The following SORCS1 variants were observed in gnomAD, a reference collection of about 807,000 sequenced individuals.
SORCS1 encodes the protein sortilin related VPS10 domain containing receptor 1.
A neutral mutation model predicts 146.1 loss-of-function variants in SORCS1; 60 were observed. That is an observed-to-expected ratio of 0.41 (90% CI 0.33 to 0.51). The LOEUF (loss-of-function observed/expected upper bound fraction) is 0.51. SORCS1 is among the 20% of genes least tolerant of loss of function. The pLI is 0.21. For missense variants in SORCS1, 1,352 were observed against 1,487.6 expected (o/e 0.91, Z 1.50); for synonymous variants, 637 against 584.0 (o/e 1.09, Z -1.31).
chr10:107,137,991 C>A (rs1967474717), intron 1 of SORCS1, among the ~76,000 whole-genome samples: 1 of 152,080 alleles, frequency 6.6e-6, no homozygotes, highest in Admixed American at 6.6e-5. Context: ...CTATTACGTT[C>A]CTGAAATATA....
At chr10:106,967,930 T>C (rs1448799669) in intron 1 of SORCS1, among the ~76,000 whole-genome samples, 1 of 145,636 alleles carries the variant, frequency 6.9e-6, no homozygotes, top group South Asian at 2.2e-4. Context: ...AAATGCCGGG[T>C]GTGGTGGCTC....
At position 106,954,103 on chromosome 10, in the gene SORCS1, C is replaced by G. The variant is rs112277899; in HGVS notation, c.626+2410G>C. On this transcript the variant is annotated intron_variant, in intron 2 of 25. Transcript: ENST00000263054. ...TCATGGAGAGAAAAGCATACTGAACCTGAGCTTCCACAGTCTAGGGCAACC... is the reference window on the plus strand; with the variant it reads ...TCATGGAGAGAAAAGCATACTGAACGTGAGCTTCCACAGTCTAGGGCAACC... Among the ~76,000 whole-genome samples, 929 of 152,326 alleles carry G rather than the reference C, an allele frequency of 6.1e-3. 13 individuals are homozygous for G. The highest frequency in any genetic ancestry group is 0.02 in the African/African-American group (849 of 41,582).
chr10:106,930,108 G>A (rs1246938459), intron 2 of SORCS1, among the ~76,000 whole-genome samples: 1 of 151,856 alleles, frequency 6.6e-6, no homozygotes, highest in African/African-American at 2.4e-5. Flanking sequence ...AATACCAACC[G>A]TCTCTACTAA....
rs766818370 is a variant in SORCS1 at position 106,970,336 on chromosome 10, C to CTTTTTTTTTTTTTTTTTTTTTT, written c.559-13757_559-13756insAAAAAAAAAAAAAAAAAAAAAA. On this transcript the variant is annotated intron_variant, in intron 1 of 25. Transcript: ENST00000263054. ...TTCCCTCCAAATGTAACCAACATCTCTTTTTTTTTTTTTTTTTTTGAGATG... is the reference window on the plus strand; with the variant it reads ...TTCCCTCCAAATGTAACCAACATCTCTTTTTTTTTTTTTTTTTTTTTTTTTTTTTTTTTTTTTTTTTGAGATG... Among the ~76,000 whole-genome samples the CTTTTTTTTTTTTTTTTTTTTTT allele has an allele frequency of 2.0e-3, 180 of 89,428 alleles. 24 individuals are homozygous for CTTTTTTTTTTTTTTTTTTTTTT. The highest frequency in any genetic ancestry group is 8.9e-3 in the African/African-American group (164 of 18,458). 58.7% of individuals were successfully genotyped at this position (89,428 alleles called of 152,430 possible). A position where few individuals can be genotyped will look rare whatever the true frequency, so the allele number is the denominator to read the frequency against.
At chr10:106,873,151 G>A (rs1950474975) in intron 2 of SORCS1, among the ~76,000 whole-genome samples, 1 of 151,962 alleles carries the variant, frequency 6.6e-6, no homozygotes, top group Non-Finnish European at 1.5e-5. Flanking sequence ...TCCAGCCTGG[G>A]CAACAGAGTG....
At chr10:106,856,044 T>C (rs74530327) in intron 2 of SORCS1, among the ~76,000 whole-genome samples, 25 of 140,138 alleles carry the variant, frequency 1.8e-4, no homozygotes, top group Admixed American at 8.5e-4. Context: ...TTTTTTTTTT[T>C]GAGACAGAGT....
intron 1 of SORCS1, among the ~76,000 whole-genome samples, chr10:107,082,306 G>A (rs1438868950): frequency 1.3e-5 from 2 of 152,016 alleles, no homozygotes; most frequent in African/African-American, 4.8e-5. Context: ...GGAGATTTTT[G>A]TTTGGTTGGG....
At chr10:107,030,731 C>T (rs571948110) in intron 1 of SORCS1, among the ~76,000 whole-genome samples, 1 of 152,210 alleles carries the variant, frequency 6.6e-6, no homozygotes, top group African/African-American at 2.4e-5. Flanking sequence ...CTCATTTTTA[C>T]ATTATGCCGA....
chr10:106,930,261 G>A (rs139840014), intron 2 of SORCS1, among the ~76,000 whole-genome samples: 5,268 of 151,366 alleles, frequency 0.035, 218 homozygotes, highest in South Asian at 0.11. Context: ...CAGCCTGGGC[G>A]ACAGAGCGAG....
intron 1 of SORCS1, among the ~76,000 whole-genome samples, chr10:106,984,528 G>A (rs1435918888): frequency 6.6e-6 from 1 of 151,520 alleles, no homozygotes; most frequent in East Asian, 2.0e-4. Context: ...TGAGTAGCTG[G>A]GACTACAGGT....
At chr10:106,883,706 C>T (rs1259071638) in intron 2 of SORCS1, among the ~76,000 whole-genome samples, 2 of 152,222 alleles carry the variant, frequency 1.3e-5, no homozygotes, top group Non-Finnish European at 2.9e-5. Context: ...AGCCACCACG[C>T]CCGGCCTTCA....
intron 1 of SORCS1, among the ~76,000 whole-genome samples, chr10:107,010,751 A>T (rs1262093476): frequency 1.3e-5 from 2 of 152,178 alleles, no homozygotes; most frequent in African/African-American, 4.8e-5. Flanking sequence ...CTTTTGTAAG[A>T]CCGAGTTCAT....
intron 1 of SORCS1, among the ~76,000 whole-genome samples, chr10:107,155,754 G>A (rs1329235110): frequency 6.6e-6 from 1 of 152,128 alleles, no homozygotes. Context: ...ATGATTTTGT[G>A]TCTCAACAGC....
intron 1 of SORCS1, among the ~76,000 whole-genome samples, chr10:107,081,478 T>C (rs1162160301): frequency 2.0e-5 from 3 of 152,234 alleles, no homozygotes; most frequent in Non-Finnish European, 1.5e-5. Flanking sequence ...TCTCAACTAC[T>C]CCTCAAATCT....
chr10:107,039,101 G>T lies in SORCS1; in HGVS notation c.559-82521C>A, dbSNP rs369331818. On this transcript the variant is annotated intron_variant, in intron 1 of 25. Coordinates refer to ENST00000263054, the MANE Select transcript of SORCS1 (RefSeq NM_052918.5). The stretch of plus-strand genomic sequence containing the variant: ...TCCCAGCACTTTGGGAGGCTGAGGC[G>T]GGTGGATCACAAGGTCAGGAGATCG... 3.8e-4 allele frequency among the ~76,000 whole-genome samples: 58 copies of T among 151,836 alleles called. 1 individual carries two copies. Among genetic ancestry groups the T allele is most frequent in the Non-Finnish European group, 4.4e-4 (30 of 67,912 alleles).
In SORCS1 at chr10:106,891,504, C is replaced by CTTTCTTTTTTTTT. The variant is rs1951231436; in HGVS notation, c.627-61832_627-61831insAAAAAAAAAGAAA. Reference sequence around the variant, plus strand: ...GTAATCAGAAGTTTCAATGGGAATTCTTTTTTTTTTTTTGAGAAAAGACCT... The same window carrying CTTTCTTTTTTTTT: ...GTAATCAGAAGTTTCAATGGGAATTCTTTCTTTTTTTTTTTTTTTTTTTTTTGAGAAAAGACCT... On this transcript the variant is annotated intron_variant, in intron 2 of 25. Transcript: ENST00000263054. Among the ~76,000 whole-genome samples, 2 of 97,274 alleles carry CTTTCTTTTTTTTT rather than the reference C, an allele frequency of 2.1e-5. 1 individual carries two copies. The highest frequency in any genetic ancestry group is 6.6e-4 in the South Asian group (2 of 3,026). 63.8% of individuals were successfully genotyped at this position (97,274 alleles called of 152,430 possible). A position where few individuals can be genotyped will look rare whatever the true frequency, so the allele number is the denominator to read the frequency against.
chr10:106,722,060 T>C (rs1855817317), intron 6 of SORCS1, among the ~76,000 whole-genome samples: 2 of 151,738 alleles, frequency 1.3e-5, no homozygotes, highest in Admixed American at 1.3e-4. Flanking sequence ...TGTCTATACA[T>C]ATACATACTC....
intron 1 of SORCS1, among the ~76,000 whole-genome samples, chr10:107,105,465 A>G (rs1170186255): frequency 2.6e-5 from 4 of 152,234 alleles, no homozygotes; most frequent in Non-Finnish European, 5.9e-5. Context: ...AGCTAGTCCC[A>G]GTCCCAAAAC....
intron 3 of SORCS1, among the ~76,000 whole-genome samples, chr10:106,799,160 G>C (rs1474973663): frequency 2.0e-5 from 3 of 152,138 alleles, no homozygotes; most frequent in Admixed American, 6.5e-5. Flanking sequence ...ATGGTGCTGG[G>C]AAAACTGGCT....
Sources: allele counts gnomAD v4.1 joint callset (sites outside exome capture counted in the v4.1 genomes callset), GRCh38; gene constraint gnomAD v4.1.1; transcripts MANE v1.5; gene names NCBI Gene and HGNC (gene_info 2026-07-23, HGNC 2026-07-21).